Variants in SERPINA4 observed in about 807,000 individuals in gnomAD.
The protein encoded by SERPINA4 is serpin family A member 4.
In SERPINA4, 24 loss-of-function variants were observed where a neutral mutation model predicts 25.4. The ratio of observed to expected loss-of-function variants is 0.95; its 90% CI spans 0.69 to 1.33. The LOEUF (loss-of-function observed/expected upper bound fraction) is 1.33, where lower values mean the gene tolerates loss of function less well. SERPINA4 is among the 40% of genes most tolerant of loss of function. The probability of loss-of-function intolerance (pLI) is 0.00; values close to 1 mark genes in which losing one functional copy is unlikely to be tolerated. For synonymous variants in SERPINA4, 242 were observed against 223.6 expected (o/e 1.08, Z -0.73); for missense variants, 553 against 535.8 (o/e 1.03, Z -0.32).
At chr14:94,564,631 C>A (rs1330971676) in intron 2 of SERPINA4, among the ~76,000 whole-genome samples, 2 of 152,228 alleles carry the variant, frequency 1.3e-5, no homozygotes, top group Non-Finnish European at 2.9e-5. Flanking sequence ...TGGCACACAG[C>A]CAGGCCCATT....
chr14:94,562,279 C>G (rs926404564), intron 1 of SERPINA4, among the ~76,000 whole-genome samples: 4 of 152,200 alleles, frequency 2.6e-5, no homozygotes, highest in Non-Finnish European at 4.4e-5. Context: ...ATATTACTAT[C>G]TGGCGCTTTG....
At chr14:94,564,244 GA>G (rs1451137908) in intron 2 of SERPINA4, 113 bp downstream of exon 2, 1 of 1,137,362 alleles carries the variant, frequency 8.8e-7, no homozygotes, top group Non-Finnish European at 1.3e-6. Context: ...CGTTGTGTCT[GA>G]TAGGGTTGAG....
intron 4 of SERPINA4, 67 bp downstream of exon 4, chr14:94,568,355 C>CGATG: frequency 5.8e-6 from 9 of 1,548,174 alleles, no homozygotes; most frequent in Non-Finnish European, 6.2e-6. Flanking sequence ...AGCTGCCAGG[C>CGATG]GATGGGGCTC....
intron 4 of SERPINA4, 105 bp downstream of exon 4, chr14:94,568,393 C>T (rs1031622960): frequency 8.2e-7 from 1 of 1,226,268 alleles, no homozygotes; most frequent in African/African-American, 1.5e-5. Flanking sequence ...GTCTCAGAGC[C>T]TGAGTGTGTT....
chr14:94,568,132 T>C lies in SERPINA4; in HGVS notation c.927T>C (p.Asn309=). 6.2e-7 allele frequency: 1 copy of C among 1,614,170 alleles called. No homozygotes were observed. ...MRWNNLLRKR[N]FYKKLELHLP... is the part of the protein sequence containing the mutation. ...TCTAACTCAATGCCCCTTTCAGGAA[T>C]TTTTACAAGAAGCTAGAGTTGCATC... The change falls in exon 4 of 5, where the codon AAT becomes AAC. Residue 309 remains asparagine (N), a synonymous_variant. Transcript: ENST00000557004.
At position 94,567,123 on chromosome 14, in the gene SERPINA4, T is replaced by G. The variant is rs200803721; in HGVS notation, c.803T>G (p.Met268Arg). The G allele has an allele frequency of 6.0e-5, 97 of 1,614,054 alleles. No individual in the cohort carries two copies. Among genetic ancestry groups the G allele is most frequent in the Non-Finnish European group, 8.1e-5 (95 of 1,180,054 alleles). Residue 268 changes from methionine (M) to arginine (R), a missense_variant, in exon 3 of 5, where the codon ATG (methionine) becomes AGG (arginine). Physicochemically the swap from Met to Arg is moderately conservative, Grantham distance 91 (BLOSUM62 -1). Coordinates refer to ENST00000557004, the MANE Select transcript of SERPINA4 (RefSeq NM_006215.4). ...DRYLPCSVLR[M>R]DYKGDATVFF... ...TACTTGCCCTGCTCGGTGCTACGGA[T>G]GGATTACAAAGGAGACGCAACCGTG...
rs1902120530 is a variant in SERPINA4 at position 94,563,956 on chromosome 14, C to T, written c.474C>T (p.Asp158=). The T allele has an allele frequency of 1.9e-6, 3 of 1,614,188 alleles. No homozygotes were observed. Among genetic ancestry groups the T allele is most frequent in the African/African-American group, 1.3e-5 (1 of 75,050 alleles). Reference sequence around the variant, plus strand: ...AGTTCCTTGCAAAATTCCTGAATGACACCATGGCCGTCTATGAGGCTAAAC... The same window carrying T: ...AGTTCCTTGCAAAATTCCTGAATGATACCATGGCCGTCTATGAGGCTAAAC... ...NLKFLAKFLN[D]TMAVYEAKLF... is the part of the protein sequence containing the mutation. The change falls in exon 2 of 5, where the codon GAC becomes GAT. Residue 158 remains aspartate (D), a synonymous_variant. Transcript: ENST00000557004.
intron 3 of SERPINA4, 40 bp downstream of exon 3, chr14:94,567,283 C>A: frequency 1.3e-6 from 2 of 1,557,574 alleles, no homozygotes; most frequent in South Asian, 1.2e-5. Flanking sequence ...ACAGTACTAT[C>A]CATCAAATGT....
At chr14:94,561,770 G>T (rs1902035110) in intron 1 of SERPINA4, 11 of 1,289,622 alleles carry the variant, frequency 8.5e-6, no homozygotes, top group South Asian at 1.2e-5. Context: ...GTACAGGGCG[G>T]CACTGACTGA....
At chr14:94,563,126 T>C (rs1383272513) in intron 1 of SERPINA4, among the ~76,000 whole-genome samples, 5 of 152,160 alleles carry the variant, frequency 3.3e-5, no homozygotes, top group Non-Finnish European at 5.9e-5. Flanking sequence ...GGATATGTGC[T>C]AGGTAGGTGA....
At chr14:94,564,380 C>A (rs1201181896) in intron 2 of SERPINA4, among the ~76,000 whole-genome samples, 1 of 152,108 alleles carries the variant, frequency 6.6e-6, no homozygotes, top group African/African-American at 2.4e-5. Flanking sequence ...TGCATTATAG[C>A]CAGTGATCAT....
rs1424775380 is a variant in SERPINA4 at position 94,568,417 on chromosome 14, G to A, written c.1083+129G>A. The A allele has an allele frequency of 1.7e-5, 16 of 944,888 alleles. No homozygotes were observed. The South Asian group carries it at 2.0e-4, about 12-fold the overall frequency. The allele number at this position is 944,888 out of a possible 1,614,324, so 58.5% of individuals were successfully genotyped here. ...CCTGAGTGTGTTCAGTCATCTACAG[G>A]CATCAGCATCCACCAATCAACCAGC... On this transcript the variant is annotated intron_variant, in intron 4 of 4. Coordinates refer to ENST00000557004, the MANE Select transcript of SERPINA4 (RefSeq NM_006215.4).
At chr14:94,562,407 C>A (rs1043245617) in intron 1 of SERPINA4, among the ~76,000 whole-genome samples, 5 of 151,976 alleles carry the variant, frequency 3.3e-5, no homozygotes, top group Admixed American at 3.3e-4. Context: ...GGTGAGACCC[C>A]AACTCTATAA....
At chr14:94,566,448 T>C (rs762155296) in intron 2 of SERPINA4, among the ~76,000 whole-genome samples, 2 of 152,190 alleles carry the variant, frequency 1.3e-5, no homozygotes. Context: ...TCACTTTTCA[T>C]TGAGAAAACA....
intron 1 of SERPINA4, among the ~76,000 whole-genome samples, chr14:94,563,073 T>C (rs901010112): frequency 1.3e-5 from 2 of 152,146 alleles, no homozygotes; most frequent in Admixed American, 6.5e-5. Flanking sequence ...AAGACAAGTG[T>C]GGGAGAAGCA....
chr14:94,566,743 A>T (rs1457881356), intron 2 of SERPINA4, among the ~76,000 whole-genome samples: 2 of 152,230 alleles, frequency 1.3e-5, no homozygotes, highest in Non-Finnish European at 2.9e-5. Context: ...TTAGAAAACG[A>T]ACATCCTCTG....
intron 4 of SERPINA4, among the ~76,000 whole-genome samples, 162 bp downstream of exon 4, chr14:94,568,450 G>T (rs1024331649): frequency 2.6e-5 from 4 of 152,222 alleles, no homozygotes; most frequent in Admixed American, 2.6e-4. Flanking sequence ...AGCCCTGGAC[G>T]TGGTGCTAGG....
intron 3 of SERPINA4, 143 bp downstream of exon 3, chr14:94,567,386 C>T: frequency 1.1e-6 from 1 of 902,400 alleles, no homozygotes; most frequent in Non-Finnish European, 1.6e-6. Flanking sequence ...CATGGGCTTC[C>T]TTTAAATGAT....
chr14:94,563,582 A>G lies in SERPINA4; in HGVS notation c.100A>G (p.Ser34Gly), dbSNP rs372260167. ...VEHDGESCSN[S>G]SHQQILETGE... is the part of the protein sequence containing the mutation. ...GCATGATGGTGAGAGTTGCAGTAAC[A>G]GCTCCCACCAGCAGATTCTGGAGAC... Residue 34 changes from serine to glycine, a missense_variant, in exon 2 of 5, where the codon AGC becomes GGC. Transcript: ENST00000557004. The G allele has an allele frequency of 7.4e-6, 12 of 1,613,986 alleles. No homozygotes were observed. Among genetic ancestry groups the G allele is most frequent in the Non-Finnish European group, 1.0e-5 (12 of 1,180,024 alleles).
Sources: gnomAD v4.1 joint callset for allele counts (sites outside exome capture counted in the v4.1 genomes callset) on GRCh38, gnomAD v4.1.1 for gene constraint, MANE v1.5 for transcripts, NCBI Gene and HGNC (gene_info 2026-07-23, HGNC 2026-07-21) for gene names.